Variants in RNF144A observed in about 807,000 individuals in gnomAD.
RNF144A encodes the protein ring finger protein 144A.
A neutral mutation model predicts 38.7 loss-of-function variants in RNF144A; 11 were observed. The ratio of observed to expected loss-of-function variants is 0.28; its 90% CI spans 0.18 to 0.47. The LOEUF (loss-of-function observed/expected upper bound fraction) is 0.47. Among genes scored for constraint, RNF144A ranks in the 20% least tolerant of loss-of-function variants. RNF144A has a pLI of 0.99. For synonymous variants in RNF144A, 149 were observed against 143.9 expected (o/e 1.04, Z -0.25); for missense variants, 316 against 377.2 (o/e 0.84, Z 1.34).
At chr2:6,925,691 C>T (rs189501007) in intron 1 of RNF144A, among the ~76,000 whole-genome samples, 1 of 152,298 alleles carries the variant, frequency 6.6e-6, no homozygotes, top group East Asian at 1.9e-4. Flanking sequence ...TGTCTCTGCG[C>T]TGGGGGTGCA....
At chr2:6,955,032 C>A (rs2103320082) in intron 2 of RNF144A, among the ~76,000 whole-genome samples, 1 of 152,234 alleles carries the variant, frequency 6.6e-6, no homozygotes. Flanking sequence ...AATTTGGAGA[C>A]AAATCAGGAT....
chr2:6,929,969 G>A (rs918980318), intron 1 of RNF144A, among the ~76,000 whole-genome samples: 1 of 152,218 alleles, frequency 6.6e-6, no homozygotes, highest in Non-Finnish European at 1.5e-5. Context: ...CAGAAAGAAT[G>A]AATTTCTAGA....
intron 2 of RNF144A, among the ~76,000 whole-genome samples, chr2:6,947,509 C>T (rs1215761745): frequency 2.0e-5 from 3 of 151,934 alleles, no homozygotes; most frequent in South Asian, 2.1e-4. Context: ...AATTTGTGCC[C>T]GAGAAGAAAG....
At chr2:6,940,112 G>A (rs1042387301) in intron 1 of RNF144A, among the ~76,000 whole-genome samples, 1 of 152,024 alleles carries the variant, frequency 6.6e-6, no homozygotes, top group Non-Finnish European at 1.5e-5. Context: ...GATTTTAATA[G>A]CAATTACATG....
rs185641328 is a variant in RNF144A at position 6,944,841 on chromosome 2, G to A, written c.-12+3694G>A. 6.6e-6 allele frequency among the ~76,000 whole-genome samples: 1 copy of A among 152,292 alleles called. No homozygotes were observed. Among genetic ancestry groups the A allele is most frequent in the East Asian group, 1.9e-4 (1 of 5,184 alleles). Reference sequence around the variant, plus strand: ...GGCTTCATATTCACAAAAGAGTCATGGTGAAGTGGCCAAAATACTAGAAAA... The same window carrying A: ...GGCTTCATATTCACAAAAGAGTCATAGTGAAGTGGCCAAAATACTAGAAAA... On this transcript the variant is annotated intron_variant, in intron 2 of 8. Coordinates refer to ENST00000320892, the MANE Select transcript of RNF144A (RefSeq NM_014746.6). The surrounding 1 kb of genome is among the most constrained non-coding windows in gnomAD (Gnocchi z 4.7).
intron 2 of RNF144A, among the ~76,000 whole-genome samples, chr2:6,980,386 A>G (rs904596322): frequency 5.9e-5 from 9 of 152,254 alleles, no homozygotes; most frequent in African/African-American, 2.2e-4. Context: ...TACTTCTAAG[A>G]TATACTGGGG....
At chr2:7,032,354 G>A (rs1001431859) in intron 8 of RNF144A, among the ~76,000 whole-genome samples, 1 of 149,558 alleles carries the variant, frequency 6.7e-6, no homozygotes, top group African/African-American at 2.5e-5. Flanking sequence ...TGGAATCCGC[G>A]CCCCTTGCAG....
At chr2:6,948,336 T>C (rs1366054750) in intron 2 of RNF144A, among the ~76,000 whole-genome samples, 1 of 152,206 alleles carries the variant, frequency 6.6e-6, no homozygotes, top group Non-Finnish European at 1.5e-5. Context: ...CCACGCAAGT[T>C]TGGATCCTGC....
intron 1 of RNF144A, among the ~76,000 whole-genome samples, chr2:6,937,148 T>C (rs1157306404): frequency 1.3e-5 from 2 of 152,228 alleles, no homozygotes; most frequent in Non-Finnish European, 2.9e-5. Context: ...GGTGTGGCTT[T>C]GTAACCAGAG....
Position 7,014,763 on chromosome 2 carries a change from T to G in RNF144A, c.292T>G (p.Phe98Val), listed in dbSNP as rs746985753. The change falls in exon 5 of 9, where the codon TTT becomes GTT. Residue 98 changes from phenylalanine (F) to valine (V), a missense_variant. By Grantham distance (50) the Phe-to-Val change is conservative. Coordinates refer to ENST00000320892, the MANE Select transcript of RNF144A (RefSeq NM_014746.6). ...TATGCAAAGATATAAAAAGCTACAA[T>G]TTGAAAGAGGTAGGTGCCTGGTATA... ...EIMQRYKKLQ[F>V]EREVLFDPCR... 1.2e-6 allele frequency: 2 copies of G among 1,611,600 alleles called. No individual in the cohort carries two copies. The highest frequency in any genetic ancestry group is 1.7e-6 in the Non-Finnish European group (2 of 1,177,866).
intron 8 of RNF144A, among the ~76,000 whole-genome samples, chr2:7,035,989 G>C (rs564608246): frequency 5.9e-5 from 9 of 152,326 alleles, no homozygotes; most frequent in Non-Finnish European, 8.8e-5. Flanking sequence ...AACCAGCAGA[G>C]TGGCCGCGAA....
chr2:7,056,803 A>G (rs1292342346), intron 6 of RNF144A, among the ~76,000 whole-genome samples: 1 of 152,040 alleles, frequency 6.6e-6, no homozygotes, highest in Non-Finnish European at 1.5e-5. Context: ...CCTACTTTGG[A>G]GGCATCTCCT....
intron 3 of RNF144A, among the ~76,000 whole-genome samples, chr2:7,002,218 GC>G (rs1670152527): frequency 6.6e-6 from 1 of 152,176 alleles, no homozygotes; most frequent in Non-Finnish European, 1.5e-5. Context: ...CATAGTGGGT[GC>G]TTTTTTGTGC....
At chr2:6,990,592 C>CAT (rs1486337706) in intron 2 of RNF144A, among the ~76,000 whole-genome samples, 2 of 150,994 alleles carry the variant, frequency 1.3e-5, no homozygotes, top group Non-Finnish European at 2.9e-5. Flanking sequence ...CACACACACA[C>CAT]ACACACACAC....
At chr2:7,013,223 A>G (rs981212468) in intron 3 of RNF144A, among the ~76,000 whole-genome samples, 4 of 152,138 alleles carry the variant, frequency 2.6e-5, no homozygotes, top group African/African-American at 9.7e-5. Flanking sequence ...TTACAACTCC[A>G]CTGTGAGGTA....
chr2:7,036,640 C>T (rs542662912), intron 8 of RNF144A, among the ~76,000 whole-genome samples: 2 of 152,310 alleles, frequency 1.3e-5, no homozygotes, highest in African/African-American at 2.4e-5. Flanking sequence ...GATTTTGCAT[C>T]TGTGAAATGA....
intron 6 of RNF144A, among the ~76,000 whole-genome samples, chr2:7,050,398 T>C (rs780758344): frequency 1.2e-4 from 19 of 152,232 alleles, no homozygotes; most frequent in Non-Finnish European, 2.4e-4. Flanking sequence ...TCCCCAGCCA[T>C]GTGGAACTGT....
intron 8 of RNF144A, among the ~76,000 whole-genome samples, chr2:7,035,805 A>G (rs1672635232): frequency 6.6e-6 from 1 of 152,224 alleles, no homozygotes; most frequent in Non-Finnish European, 1.5e-5. Context: ...TTACGGGAGC[A>G]GAGGTTTTAT....
At chr2:7,067,357 A>G (rs6705940) in intron 6 of RNF144A, among the ~76,000 whole-genome samples, 43,943 of 152,058 alleles carry the variant, frequency 0.29, 6,863 homozygotes, top group East Asian at 0.49. Context: ...CAGACATCAG[A>G]GAGATCACCA....
Sources: gnomAD v4.1 joint callset for allele counts (sites outside exome capture counted in the v4.1 genomes callset) on GRCh38, gnomAD v4.1.1 for gene constraint, Gnocchi (gnomAD v3.1) non-coding constraint, MANE v1.5 for transcripts, NCBI Gene and HGNC (gene_info 2026-07-23, HGNC 2026-07-21) for gene names.